Variants in LNX1 observed in about 807,000 individuals in gnomAD.
LNX1 encodes E3 ubiquitin-protein ligase LNX.
A neutral mutation model predicts 68.4 loss-of-function variants in LNX1; 54 were observed. The ratio of observed to expected loss-of-function variants is 0.79; its 90% CI spans 0.63 to 0.99. The LOEUF (loss-of-function observed/expected upper bound fraction) is 0.99. LNX1 is among the 50% of genes least tolerant of loss of function. LNX1 has a pLI of 0.00. For synonymous variants in LNX1, 336 were observed against 350.0 expected (o/e 0.96, Z 0.45); for missense variants, 906 against 926.4 (o/e 0.98, Z 0.29).
chr4:53,527,396 G>A (rs1314073175), intron 2 of LNX1, among the ~76,000 whole-genome samples: 1 of 152,040 alleles, frequency 6.6e-6, no homozygotes, highest in African/African-American at 2.4e-5. Context: ...CTATATGATG[G>A]CTTCAAAATC....
rs1345788250 is a variant in LNX1, at chr4:53,459,748, C to G, written c.*1159G>C. The G allele has an allele frequency of 1.1e-5, 4 of 352,896 alleles. No homozygotes were observed. Among genetic ancestry groups the G allele is most frequent in the Non-Finnish European group, 1.6e-5 (3 of 192,600 alleles). 21.9% of individuals were successfully genotyped at this position (352,896 alleles called of 1,614,324 possible). A position where few individuals can be genotyped will look rare whatever the true frequency, so the allele number is the denominator to read the frequency against. ...TTAGCTGTGTACATACACAGATTAT[C>G]TGAGAAAAGGTCAAGGGTTCCACTT... On this transcript the variant is annotated 3_prime_UTR_variant, in exon 11 of 11. Coordinates refer to ENST00000263925, the MANE Select transcript of LNX1 (RefSeq NM_001126328.3).
At chr4:53,576,643 A>T (rs1021271322) in intron 1 of LNX1, among the ~76,000 whole-genome samples, 23 of 80,002 alleles carry the variant, frequency 2.9e-4, no homozygotes, top group South Asian at 9.8e-4. Context: ...AAAATAAATT[A>T]AAAAAAAAAG....
chr4:53,609,610 CTA>C (rs991212901), intron 2 of LNX1, among the ~76,000 whole-genome samples: 5 of 143,560 alleles, frequency 3.5e-5, no homozygotes, highest in South Asian at 4.4e-4. Context: ...ATATGTTATA[CTA>C]TATGTTATAA....
chr4:53,498,956 C>T (rs1233224649), intron 4 of LNX1, 113 bp from the exon 5 acceptor site: 2 of 764,574 alleles, frequency 2.6e-6, no homozygotes, highest in Non-Finnish European at 4.3e-6. Flanking sequence ...TTTCCTCATA[C>T]ATGTTTTCCA....
At chr4:53,586,440 G>A (rs1475305798) in intron 1 of LNX1, among the ~76,000 whole-genome samples, 2 of 152,100 alleles carry the variant, frequency 1.3e-5, no homozygotes, top group African/African-American at 2.4e-5. Flanking sequence ...GGAGAGTTTC[G>A]ACTCTGCTGC....
At chr4:53,535,468 A>G (rs1420102449) in intron 2 of LNX1, among the ~76,000 whole-genome samples, 5 of 152,266 alleles carry the variant, frequency 3.3e-5, no homozygotes, top group Admixed American at 2.0e-4. Context: ...TGACAAATCA[A>G]TCTAACAAAA....
At chr4:53,468,895 A>G (rs1722917560) in intron 9 of LNX1, among the ~76,000 whole-genome samples, 1 of 152,198 alleles carries the variant, frequency 6.6e-6, no homozygotes, top group Non-Finnish European at 1.5e-5. Context: ...ATAATGGGAG[A>G]CTTTAACACC....
At chr4:53,569,016 T>C (rs1156715792) in intron 2 of LNX1, among the ~76,000 whole-genome samples, 2 of 150,352 alleles carry the variant, frequency 1.3e-5, no homozygotes, top group Non-Finnish European at 3.0e-5. Flanking sequence ...TAAAAGAGGA[T>C]ACAAACAAAT....
chr4:53,574,118 C>T, intron 1 of LNX1, 30 bp from the exon 2 acceptor site: 1 of 1,414,272 alleles, frequency 7.1e-7, no homozygotes, highest in East Asian at 2.4e-5. Flanking sequence ...CTCACCTTTG[C>T]TTCCCAGCAC....
intron 1 of LNX1, among the ~76,000 whole-genome samples, chr4:53,632,014 G>A (rs1577814414): frequency 6.6e-6 from 1 of 152,126 alleles, no homozygotes; most frequent in Non-Finnish European, 1.5e-5. Context: ...GAGAAGGAGC[G>A]GCCAAAGCTC....
At chr4:53,549,291 C>T (rs1275279809) in intron 2 of LNX1, 1 of 152,146 alleles carries the variant, frequency 6.6e-6, no homozygotes, top group Non-Finnish European at 1.5e-5. Flanking sequence ...TGGACCTTTG[C>T]TTTCTTACAT....
At chr4:53,497,111 G>A (rs547489568) in intron 5 of LNX1, among the ~76,000 whole-genome samples, 1 of 152,268 alleles carries the variant, frequency 6.6e-6, no homozygotes, top group South Asian at 2.1e-4. Flanking sequence ...TTATTGAAAG[G>A]CTAGATCTCT....
At chr4:53,605,089 C>G (rs1733174001) in intron 2 of LNX1, among the ~76,000 whole-genome samples, 1 of 152,146 alleles carries the variant, frequency 6.6e-6, no homozygotes, top group Non-Finnish European at 1.5e-5. Context: ...CATAGCACCA[C>G]TTCTCCCATG....
At chr4:53,519,706 C>T (rs1300499384) in intron 2 of LNX1, among the ~76,000 whole-genome samples, 1 of 152,114 alleles carries the variant, frequency 6.6e-6, no homozygotes, top group Non-Finnish European at 1.5e-5. Flanking sequence ...CACTCCTTAA[C>T]AGGCGTCAGG....
chr4:53,467,921 G>C (rs1332946626), intron 9 of LNX1, among the ~76,000 whole-genome samples: 2 of 152,208 alleles, frequency 1.3e-5, no homozygotes, highest in South Asian at 2.1e-4. Flanking sequence ...CACTCTGCAA[G>C]ATAATATCCA....
intron 1 of LNX1, chr4:53,579,185 T>C (rs1358045104): frequency 2.6e-6 from 2 of 761,366 alleles, no homozygotes; most frequent in Non-Finnish European, 3.2e-6. Flanking sequence ...TAGACAGAGC[T>C]GTGATACAGT....
At chr4:53,517,688 T>G (rs1238085974) in intron 2 of LNX1, among the ~76,000 whole-genome samples, 1 of 152,242 alleles carries the variant, frequency 6.6e-6, no homozygotes, top group Non-Finnish European at 1.5e-5. Flanking sequence ...CTTCCTTGTT[T>G]GGATTACTTT....
At chr4:53,651,171 A>C (rs1735082423) in intron 1 of LNX1, among the ~76,000 whole-genome samples, 1 of 152,172 alleles carries the variant, frequency 6.6e-6, no homozygotes, top group Non-Finnish European at 1.5e-5. Flanking sequence ...GACTTGGTGT[A>C]AGCAAATGTT....
chr4:53,635,362 A>G (rs1161480896), intron 1 of LNX1, among the ~76,000 whole-genome samples: 1 of 152,138 alleles, frequency 6.6e-6, no homozygotes, highest in Non-Finnish European at 1.5e-5. Flanking sequence ...TCCTTTAATT[A>G]ATTTGAATTA....
Sources: gnomAD v4.1 joint callset for allele counts (sites outside exome capture counted in the v4.1 genomes callset) on GRCh38, gnomAD v4.1.1 for gene constraint, MANE v1.5 for transcripts, NCBI Gene and HGNC (gene_info 2026-07-23, HGNC 2026-07-21) for gene names.